The following VEGFC variants were observed in gnomAD, a reference collection of about 807,000 sequenced individuals.
The protein encoded by VEGFC is vascular endothelial growth factor C.
In VEGFC, 12 loss-of-function variants were observed where a neutral mutation model predicts 46.1. The ratio of observed to expected loss-of-function variants is 0.26; its 90% CI spans 0.17 to 0.42. The LOEUF is 0.42. Ranked by LOEUF, VEGFC falls within the 10% of genes least tolerant of loss-of-function variation. VEGFC has a pLI of 1.00. For synonymous variants in VEGFC, 232 were observed against 195.5 expected (o/e 1.19, Z -1.56); for missense variants, 488 against 529.4 (o/e 0.92, Z 0.77).
intron 1 of VEGFC, among the ~76,000 whole-genome samples, chr4:176,773,569 C>T (rs928217350): frequency 1.3e-5 from 2 of 151,606 alleles, no homozygotes; most frequent in African/African-American, 2.4e-5. Context: ...GAGAAGGAGA[C>T]CAAAGAAAGA....
intron 4 of VEGFC, among the ~76,000 whole-genome samples, chr4:176,693,535 C>T (rs1162797068): frequency 1.4e-5 from 2 of 141,906 alleles, no homozygotes; most frequent in East Asian, 4.0e-4. Context: ...AGAATGGAAC[C>T]AAGTTGGAAA....
intron 1 of VEGFC, among the ~76,000 whole-genome samples, chr4:176,791,517 T>G (rs1316392992): frequency 1.4e-5 from 1 of 71,258 alleles, no homozygotes; most frequent in Non-Finnish European, 5.0e-5. Flanking sequence ...TTGCAGTATC[T>G]CATGACCAGA....
intron 1 of VEGFC, among the ~76,000 whole-genome samples, chr4:176,761,972 A>G (rs1230220978): frequency 1.3e-5 from 2 of 152,190 alleles, no homozygotes; most frequent in Admixed American, 6.5e-5. Context: ...CTGACGTATC[A>G]GTTTTCTTTA....
intron 4 of VEGFC, among the ~76,000 whole-genome samples, chr4:176,690,163 T>C (rs905751401): frequency 2.0e-5 from 3 of 152,206 alleles, no homozygotes; most frequent in African/African-American, 7.2e-5. Flanking sequence ...CATGAAAACC[T>C]TGGCTTCTAA....
At chr4:176,708,358 T>G (rs1040782759) in intron 4 of VEGFC, among the ~76,000 whole-genome samples, 19 of 152,058 alleles carry the variant, frequency 1.2e-4, no homozygotes, top group African/African-American at 4.1e-4. Flanking sequence ...AATGTTAACT[T>G]AAACATTTTA....
At chr4:176,768,513 T>TATATATATA (rs58971102) in intron 1 of VEGFC, among the ~76,000 whole-genome samples, 3 of 143,798 alleles carry the variant, frequency 2.1e-5, no homozygotes, top group African/African-American at 5.0e-5. Context: ...TATATATATA[T>TATATATATA]TTCAAATTTT....
chr4:176,746,682 G>A (rs1339381440), intron 1 of VEGFC, among the ~76,000 whole-genome samples: 1 of 152,078 alleles, frequency 6.6e-6, no homozygotes, highest in Middle Eastern at 3.2e-3. Flanking sequence ...ATGCTAAACA[G>A]CCTTTTGATT....
chr4:176,785,640 T>C (rs1735990504), intron 1 of VEGFC, among the ~76,000 whole-genome samples: 1 of 151,838 alleles, frequency 6.6e-6, no homozygotes, highest in Admixed American at 6.6e-5. Flanking sequence ...CCTTCTCTTT[T>C]TTTTCAATTG....
intron 1 of VEGFC, among the ~76,000 whole-genome samples, chr4:176,773,013 T>C (rs1045732073): frequency 1.3e-5 from 2 of 152,260 alleles, no homozygotes; most frequent in South Asian, 2.1e-4. Context: ...AGAAAGTGCA[T>C]GTATTTTCTT....
At position 176,687,535 on chromosome 4, in the gene VEGFC, A is replaced by G. The variant is rs1039688099; in HGVS notation, c.812-15T>C. On this transcript the variant is annotated splice_polypyrimidine_tract_variant and intron_variant, in intron 5 of 6. Coordinates refer to ENST00000618562, the MANE Select transcript of VEGFC (RefSeq NM_005429.5). ...ATCTGTTGAGTCTAGACAAATAGTC[A>G]GAGAATCTTTACTATACCTTACTTG... The G allele has an allele frequency of 3.2e-6, 5 of 1,555,104 alleles. No homozygotes were observed. In the Admixed American group the frequency reaches 1.0e-4, roughly 32 times the overall value.
chr4:176,764,578 G>T (rs1165028782), intron 1 of VEGFC, among the ~76,000 whole-genome samples: 4 of 152,132 alleles, frequency 2.6e-5, no homozygotes, highest in Non-Finnish European at 5.9e-5. Flanking sequence ...TTGAAGTTCA[G>T]AACCCACCAA....
intron 1 of VEGFC, among the ~76,000 whole-genome samples, chr4:176,746,541 G>T (rs1023530067): frequency 6.6e-6 from 1 of 151,990 alleles, no homozygotes; most frequent in African/African-American, 2.4e-5. Context: ...TCCATTATTT[G>T]CTGAATAATA....
intron 1 of VEGFC, 86 bp from the exon 2 acceptor site, chr4:176,729,832 T>A: frequency 1.0e-6 from 1 of 992,056 alleles, no homozygotes; most frequent in Non-Finnish European, 1.4e-6. Flanking sequence ...GGTTTAATAG[T>A]ATCTATGCTC....
chr4:176,759,815 G>C (rs1319008814), intron 1 of VEGFC, among the ~76,000 whole-genome samples: 1 of 151,980 alleles, frequency 6.6e-6, no homozygotes, highest in Non-Finnish European at 1.5e-5. Flanking sequence ...GGAGAGGAGA[G>C]ATGCAGCAAT....
At chr4:176,684,064 C>T in intron 6 of VEGFC, 24 bp from the exon 7 acceptor site, 2 of 1,568,050 alleles carry the variant, frequency 1.3e-6, no homozygotes, top group South Asian at 1.1e-5. Flanking sequence ...CAAGAACACA[C>T]TTACGTTAAA....
chr4:176,715,599 T>A (rs1734686114), intron 3 of VEGFC, among the ~76,000 whole-genome samples: 1 of 152,154 alleles, frequency 6.6e-6, no homozygotes. Context: ...CTCTTATCAG[T>A]TAGACATGAT....
chr4:176,693,665 C>T (rs574064050), intron 4 of VEGFC, among the ~76,000 whole-genome samples: 23 of 146,674 alleles, frequency 1.6e-4, no homozygotes, highest in Non-Finnish European at 3.4e-4. Context: ...AACTCCAAGA[C>T]ACATAACTGT....
chr4:176,700,959 A>G (rs1202830929), intron 4 of VEGFC, among the ~76,000 whole-genome samples: 1 of 152,218 alleles, frequency 6.6e-6, no homozygotes, highest in Non-Finnish European at 1.5e-5. Flanking sequence ...GGGAGGAGAA[A>G]TGAACAGGCG....
chr4:176,758,304 A>C (rs1163192062), intron 1 of VEGFC, among the ~76,000 whole-genome samples: 1 of 152,152 alleles, frequency 6.6e-6, no homozygotes, highest in African/African-American at 2.4e-5. Flanking sequence ...AGTTTTTCTT[A>C]ATAAAGTTTA....
Sources: allele counts gnomAD v4.1 joint callset (sites outside exome capture counted in the v4.1 genomes callset), GRCh38; gene constraint gnomAD v4.1.1; transcripts MANE v1.5; gene names NCBI Gene and HGNC (gene_info 2026-07-23, HGNC 2026-07-21).